Variants in ANXA4 observed in about 807,000 individuals in gnomAD.
The protein encoded by ANXA4 is 35-beta calcimedin.
Under a neutral mutation model 49.8 loss-of-function variants are expected in ANXA4, and 39 were observed. That is an observed-to-expected ratio of 0.78 (90% CI 0.61 to 1.02). The LOEUF (loss-of-function observed/expected upper bound fraction) is 1.02. ANXA4 is among the 50% of genes least tolerant of loss of function. ANXA4 has a pLI of 0.00. For synonymous variants in ANXA4, 134 were observed against 152.5 expected (o/e 0.88, Z 0.89); for missense variants, 360 against 410.1 (o/e 0.88, Z 1.05).
intron 2 of ANXA4, chr2:69,700,218 A>T (rs1398654366): frequency 6.6e-6 from 1 of 152,152 alleles, no homozygotes; most frequent in Non-Finnish European, 1.5e-5. Context: ...TTTATTTTAA[A>T]CTTAAAAAAT....
At chr2:69,688,037 A>G (rs936364339) in intron 2 of ANXA4, among the ~76,000 whole-genome samples, 3 of 152,160 alleles carry the variant, frequency 2.0e-5, no homozygotes, top group Non-Finnish European at 2.9e-5. Context: ...AAATTTTCCC[A>G]TTTGTGTCAT....
intron 2 of ANXA4, among the ~76,000 whole-genome samples, chr2:69,673,013 C>A (rs1256030814): frequency 6.6e-6 from 1 of 151,974 alleles, no homozygotes; most frequent in Non-Finnish European, 1.5e-5. Context: ...AGTCGGGGAA[C>A]AACAGATGCT....
rs371974195 is a variant in ANXA4, at chr2:69,672,837, C to T, written n.766+19555C>T. The stretch of plus-strand genomic sequence containing the variant: ...AAGGGAACACACTAATATTTTATGA[C>T]GCTGGTAGTGGCTTTATGGAAAGTC... On this transcript the variant is annotated intron_variant and non_coding_transcript_variant, in intron 2 of 3. Transcript: ENST00000418066. Among the ~76,000 whole-genome samples, 12 of 151,742 alleles carry T rather than the reference C, an allele frequency of 7.9e-5. No individual in the cohort carries two copies. In the East Asian group the frequency reaches 9.7e-4, roughly 12 times the overall value.
intron 6 of ANXA4, 121 bp downstream of exon 6, chr2:69,808,117 G>T: frequency 1.1e-6 from 1 of 911,476 alleles, no homozygotes. Context: ...GGGATCCTCG[G>T]TGCCAAGCTC....
chr2:69,811,495 G>A (rs947385456), intron 7 of ANXA4: 1 of 152,256 alleles, frequency 6.6e-6, no homozygotes, highest in African/African-American at 2.4e-5. Flanking sequence ...GGAAAATAAA[G>A]CAGGACTGAG....
chr2:69,646,358 C>T (rs2105290726), intron 1 of ANXA4, among the ~76,000 whole-genome samples: 1 of 152,286 alleles, frequency 6.6e-6, no homozygotes, highest in South Asian at 2.1e-4. Flanking sequence ...AGCCAGAGAA[C>T]CATCTTCTAC....
intron 1 of ANXA4, among the ~76,000 whole-genome samples, chr2:69,770,208 C>G (rs565074863): frequency 6.6e-6 from 1 of 152,234 alleles, no homozygotes; most frequent in Non-Finnish European, 1.5e-5. Flanking sequence ...CAACTCAAAC[C>G]CCGTCACTGC....
At chr2:69,758,176 G>T (rs893242750) in intron 1 of ANXA4, among the ~76,000 whole-genome samples, 6 of 152,032 alleles carry the variant, frequency 3.9e-5, no homozygotes, top group Non-Finnish European at 7.4e-5. Flanking sequence ...CCATGCCCAG[G>T]TAATTTTTGT....
chr2:69,731,665 T>G (rs764219871), intron 3 of ANXA4, among the ~76,000 whole-genome samples: 14 of 152,180 alleles, frequency 9.2e-5, no homozygotes, highest in Non-Finnish European at 1.5e-4. Flanking sequence ...AAAAAGCCAA[T>G]AATTGAATTA....
At chr2:69,758,674 C>T (rs777569587) in intron 1 of ANXA4, among the ~76,000 whole-genome samples, 6 of 152,074 alleles carry the variant, frequency 3.9e-5, no homozygotes, top group Admixed American at 6.5e-5. Flanking sequence ...TTCAATTTTA[C>T]GCCTAAATAT....
At position 69,652,802 on chromosome 2, in the gene ANXA4, T is replaced by C. The variant is rs1331533810; in HGVS notation, n.482-196T>C. On this transcript the variant is annotated intron_variant and non_coding_transcript_variant, in intron 1 of 3. Coordinates refer to the ANXA4 transcript ENST00000418066. ...TGAACCCAGGATGCGGAGGTTGTGGTGAACCCAGACAGTGCCACTGCACCC... is the reference window on the plus strand; with the variant it reads ...TGAACCCAGGATGCGGAGGTTGTGGCGAACCCAGACAGTGCCACTGCACCC... Among the ~76,000 whole-genome samples the C allele has an allele frequency of 3.9e-5, 6 of 152,162 alleles. No individual in the cohort carries two copies. The South Asian group carries it at 1.2e-3, about 32-fold the overall frequency.
intron 2 of ANXA4, among the ~76,000 whole-genome samples, chr2:69,706,740 T>C (rs1465733479): frequency 1.3e-5 from 2 of 152,242 alleles, no homozygotes; most frequent in Non-Finnish European, 2.9e-5. Context: ...AATGGAATCA[T>C]ACTATACGTG....
intron 12 of ANXA4, among the ~76,000 whole-genome samples, chr2:69,821,489 A>C (rs1226871074): frequency 6.6e-6 from 1 of 151,346 alleles, no homozygotes; most frequent in Admixed American, 6.6e-5. Flanking sequence ...TTTTTTTTTT[A>C]GATGGAGTCT....
intron 3 of ANXA4, among the ~76,000 whole-genome samples, chr2:69,736,368 C>T (rs1670243603): frequency 6.6e-6 from 1 of 152,196 alleles, no homozygotes; most frequent in African/African-American, 2.4e-5. Flanking sequence ...CTTCTTGACA[C>T]CTACTCTATG....
At chr2:69,675,649 GGGGA>G (rs1677380782) in intron 2 of ANXA4, among the ~76,000 whole-genome samples, 1 of 152,164 alleles carries the variant, frequency 6.6e-6, no homozygotes, top group South Asian at 2.1e-4. Context: ...CAGGGGCTGC[GGGGA>G]GGGAGGAATG....
intron 2 of ANXA4, among the ~76,000 whole-genome samples, chr2:69,685,412 A>G (rs1357779834): frequency 6.6e-6 from 1 of 152,184 alleles, no homozygotes; most frequent in Non-Finnish European, 1.5e-5. Context: ...ATTGTGGCAC[A>G]CTGAATGAAT....
intron 3 of ANXA4, among the ~76,000 whole-genome samples, chr2:69,722,213 C>T (rs1669832200): frequency 2.0e-5 from 3 of 152,148 alleles, no homozygotes; most frequent in African/African-American, 4.8e-5. Flanking sequence ...ATGAGACCAA[C>T]CTTAAAGGTC....
chr2:69,669,429 A>C (rs142647928), intron 2 of ANXA4, among the ~76,000 whole-genome samples: 1,633 of 151,472 alleles, frequency 0.011, 29 homozygotes, highest in African/African-American at 0.038. Flanking sequence ...GGCCAACATG[A>C]TGAATCCTTG....
At chr2:69,677,402 G>T (rs1329405378) in intron 2 of ANXA4, among the ~76,000 whole-genome samples, 7 of 151,852 alleles carry the variant, frequency 4.6e-5, no homozygotes, top group African/African-American at 1.5e-4. Context: ...GCTGATTTTT[G>T]AATTTTTAGT....
Sources: allele counts gnomAD v4.1 joint callset (sites outside exome capture counted in the v4.1 genomes callset), GRCh38; gene constraint gnomAD v4.1.1; transcripts MANE v1.5; gene names NCBI Gene and HGNC (gene_info 2026-07-23, HGNC 2026-07-21).